ARHGAP26: variants seen among roughly 807,000 people sequenced by gnomAD.
ARHGAP26 encodes Rho GTPase activating protein 26.
Under a neutral mutation model 104.8 loss-of-function variants are expected in ARHGAP26, and 38 were observed. The observed-to-expected ratio is 0.36, with a 90% CI of 0.28 to 0.48. The LOEUF is 0.48. Among genes scored for constraint, ARHGAP26 ranks in the 20% least tolerant of loss-of-function variants. The pLI, the probability that ARHGAP26 is intolerant of heterozygous loss-of-function variation, is 0.99. For synonymous variants in ARHGAP26, 341 were observed against 340.0 expected, an observed-to-expected ratio of 1.00 and a Z score of -0.03; for missense variants, 704 against 947.9, an observed-to-expected ratio of 0.74 and a Z score of 3.38.
intron 1 of ARHGAP26, among the ~76,000 whole-genome samples, chr5:142,860,733 A>G (rs1309824086): frequency 3.3e-5 from 5 of 152,170 alleles, no homozygotes; most frequent in Non-Finnish European, 5.9e-5. Context: ...TTCTACCACG[A>G]GCATTAATTG....
chr5:143,057,805 A>G, intron 17 of ARHGAP26, 58 bp downstream of exon 17: 4 of 1,408,884 alleles, frequency 2.8e-6, no homozygotes, highest in Non-Finnish European at 4.0e-6. Flanking sequence ...TTATCTTAGC[A>G]GTGAAGCTGG....
intron 20 of ARHGAP26, among the ~76,000 whole-genome samples, chr5:143,173,463 A>G (rs569708820): frequency 6.6e-6 from 1 of 152,344 alleles, no homozygotes; most frequent in East Asian, 1.9e-4. Flanking sequence ...ACGTATTTTT[A>G]GGCAGGTCCA....
intron 17 of ARHGAP26, among the ~76,000 whole-genome samples, chr5:143,111,741 G>A (rs1159191220): frequency 1.3e-5 from 2 of 152,168 alleles, no homozygotes; most frequent in Non-Finnish European, 2.9e-5. Flanking sequence ...ATGCATATTA[G>A]GTAATGCATG....
chr5:142,787,468 T>C (rs989628522), intron 1 of ARHGAP26, among the ~76,000 whole-genome samples: 1 of 152,142 alleles, frequency 6.6e-6, no homozygotes, highest in Non-Finnish European at 1.5e-5. Context: ...AGGTGCTCGA[T>C]CTAGAATCTC....
In ARHGAP26 at chr5:142,885,343, A is replaced by G. The variant is rs534294357; in HGVS notation, c.430A>G (p.Ile144Val). Residue 144 changes from isoleucine to valine, a missense_variant, in exon 5 of 23, where the codon ATC becomes GTC. Coordinates refer to ENST00000645722, the MANE Select transcript of ARHGAP26 (RefSeq NM_001135608.3). ...YDKETEKYCG[I>V]LEKHLNLSSK... ...CAAAGAGACAGAAAAGTATTGTGGC[A>G]TCTTAGAAAAACACTTGAATTTGTC... 46 of 1,613,912 alleles carry G rather than the reference A, an allele frequency of 2.9e-5. No individual in the cohort carries two copies. In the East Asian group the frequency reaches 8.9e-4, roughly 31 times the overall value.
At chr5:143,211,218 G>A (rs922264240) in intron 21 of ARHGAP26, among the ~76,000 whole-genome samples, 9 of 152,138 alleles carry the variant, frequency 5.9e-5, no homozygotes, top group Non-Finnish European at 1.2e-4. Flanking sequence ...AAATACAGCA[G>A]ACCCAGTTAA....
chr5:142,887,988 C>T (rs1158272572), intron 5 of ARHGAP26, among the ~76,000 whole-genome samples: 1 of 151,928 alleles, frequency 6.6e-6, no homozygotes, highest in Non-Finnish European at 1.5e-5. Flanking sequence ...AACCAAACAT[C>T]AAAAAACAAA....
In ARHGAP26 at chr5:142,991,716, A is replaced by T. The variant is rs77627403; in HGVS notation, c.1108-22364A>T. The stretch of plus-strand genomic sequence containing the variant: ...TATTCAGTATGGTAACATGCTGTAT[A>T]GGTTTATCTCCTAGGAACAATAGGC... On this transcript the variant is annotated intron_variant, in intron 11 of 22. Coordinates refer to ENST00000645722, the MANE Select transcript of ARHGAP26 (RefSeq NM_001135608.3). Among the ~76,000 whole-genome samples, 133 of 152,366 alleles carry T rather than the reference A, an allele frequency of 8.7e-4. No individual in the cohort carries two copies. In the East Asian group the frequency reaches 0.023, roughly 27 times the overall value.
intron 17 of ARHGAP26, among the ~76,000 whole-genome samples, chr5:143,086,059 G>A (rs765765433): frequency 5.3e-4 from 81 of 151,966 alleles, no homozygotes; most frequent in Non-Finnish European, 8.8e-5. Flanking sequence ...GGCCTTTCAG[G>A]GTTCCTTATG....
intron 11 of ARHGAP26, among the ~76,000 whole-genome samples, chr5:142,967,971 C>T (rs1562174731): frequency 6.6e-6 from 1 of 152,124 alleles, no homozygotes; most frequent in Admixed American, 6.5e-5. Flanking sequence ...GCCAGAAAAC[C>T]CTTGGATCAG....
chr5:143,091,188 G>T (rs1343953639), intron 17 of ARHGAP26, among the ~76,000 whole-genome samples: 2 of 152,194 alleles, frequency 1.3e-5, no homozygotes, highest in African/African-American at 4.8e-5. Flanking sequence ...ACTCGGGTGT[G>T]ATGAGTCCAT....
intron 17 of ARHGAP26, among the ~76,000 whole-genome samples, chr5:143,065,454 A>G (rs928689419): frequency 3.3e-5 from 5 of 152,194 alleles, no homozygotes; most frequent in Admixed American, 3.3e-4. Flanking sequence ...ACGTATATGA[A>G]GTTAATCCAT....
intron 18 of ARHGAP26, among the ~76,000 whole-genome samples, chr5:143,128,582 C>A (rs758671513): frequency 3.0e-4 from 46 of 152,186 alleles, no homozygotes; most frequent in Non-Finnish European, 6.5e-4. Context: ...ATACATAAGC[C>A]CTGCTAAGAC....
rs75346312 is a variant in ARHGAP26, at chr5:143,121,921, C to G, written c.1698+774C>G. 2.1e-3 allele frequency among the ~76,000 whole-genome samples: 324 copies of G among 152,322 alleles called. 8 individuals are homozygous for G. Among genetic ancestry groups the G allele is most frequent in the Admixed American group, 0.016 (252 of 15,298 alleles). Reference sequence around the variant, plus strand: ...CAAATCTGGAATCTAATAAAAAATGCTGTTTCTCTTAAATAAAAACTTTGC... The same window carrying G: ...CAAATCTGGAATCTAATAAAAAATGGTGTTTCTCTTAAATAAAAACTTTGC... On this transcript the variant is annotated intron_variant, in intron 18 of 22. Transcript: ENST00000645722.
chr5:143,068,735 T>C (rs1003374418), intron 17 of ARHGAP26, among the ~76,000 whole-genome samples: 2 of 152,242 alleles, frequency 1.3e-5, no homozygotes, highest in African/African-American at 4.8e-5. Flanking sequence ...CATTTTTCTG[T>C]GCTTTTCCCA....
chr5:142,852,230 G>A (rs150307728), intron 1 of ARHGAP26, among the ~76,000 whole-genome samples: 3 of 152,376 alleles, frequency 2.0e-5, no homozygotes, highest in African/African-American at 7.2e-5. Flanking sequence ...GTCAGAGGTA[G>A]TTTAGAAGGG....
intron 10 of ARHGAP26, among the ~76,000 whole-genome samples, chr5:142,915,265 C>T (rs181734330): frequency 3.0e-4 from 45 of 151,880 alleles, no homozygotes; most frequent in African/African-American, 9.2e-4. Flanking sequence ...GCTTGCGAGT[C>T]GATTGCTCCT....
At chr5:142,795,430 T>C (rs1478602369) in intron 1 of ARHGAP26, among the ~76,000 whole-genome samples, 2 of 152,198 alleles carry the variant, frequency 1.3e-5, no homozygotes, top group African/African-American at 4.8e-5. Context: ...TTCTTCCTCT[T>C]TTGGTGCCTC....
At chr5:142,955,300 CAAAA>C (rs963828688) in intron 11 of ARHGAP26, among the ~76,000 whole-genome samples, 5 of 149,010 alleles carry the variant, frequency 3.4e-5, no homozygotes, top group Non-Finnish European at 7.4e-5. Context: ...GACCCTGTCT[CAAAA>C]AAAAAATTTT....
Sources: allele counts gnomAD v4.1 joint callset (sites outside exome capture counted in the v4.1 genomes callset), GRCh38; gene constraint gnomAD v4.1.1; transcripts MANE v1.5; gene names NCBI Gene and HGNC (gene_info 2026-07-23, HGNC 2026-07-21).